ITPKB: variants seen among roughly 807,000 people sequenced by gnomAD.
ITPKB encodes IP3 3-kinase B.
Under a neutral mutation model 69.4 loss-of-function variants are expected in ITPKB, and 13 were observed. The observed-to-expected ratio is 0.19, with a 90% CI of 0.12 to 0.30. The LOEUF (loss-of-function observed/expected upper bound fraction) is 0.30, where lower values mean the gene tolerates loss of function less well. ITPKB is among the 10% of genes least tolerant of loss of function. The pLI, the probability that ITPKB is intolerant of heterozygous loss-of-function variation, is 1.00. For missense variants in ITPKB, 1,240 were observed against 1,250.5 expected, an observed-to-expected ratio of 0.99 and a Z score of 0.13; for synonymous variants, 584 against 513.7, an observed-to-expected ratio of 1.14 and a Z score of -1.85.
chr1:226,667,979 G>A (rs1669538017), intron 2 of ITPKB, among the ~76,000 whole-genome samples: 1 of 152,120 alleles, frequency 6.6e-6, no homozygotes. Flanking sequence ...CAACAGCTTG[G>A]CTCAGCTCAG....
At chr1:226,680,019 C>G (rs1003592738) in intron 2 of ITPKB, among the ~76,000 whole-genome samples, 1 of 152,210 alleles carries the variant, frequency 6.6e-6, no homozygotes, top group African/African-American at 2.4e-5. Context: ...CACTTTGGCC[C>G]AGCGTCTGCG....
chr1:226,704,351 A>G (rs909094359), intron 2 of ITPKB, among the ~76,000 whole-genome samples: 3 of 152,226 alleles, frequency 2.0e-5, no homozygotes, highest in African/African-American at 7.2e-5. Context: ...ATCTTTAAAA[A>G]CATTAATATA....
chr1:226,685,849 G>C (rs565931377), intron 2 of ITPKB, among the ~76,000 whole-genome samples: 58 of 152,354 alleles, frequency 3.8e-4, no homozygotes, highest in African/African-American at 1.3e-3. Flanking sequence ...CTGGAGCTGG[G>C]GAAATGAAGC....
At chr1:226,701,306 C>T (rs966728076) in intron 2 of ITPKB, among the ~76,000 whole-genome samples, 5 of 152,184 alleles carry the variant, frequency 3.3e-5, no homozygotes, top group African/African-American at 1.2e-4. Flanking sequence ...AACAGTCCTA[C>T]TTAAAAACTT....
chr1:226,696,252 G>C (rs895530395), intron 2 of ITPKB, among the ~76,000 whole-genome samples: 9 of 152,082 alleles, frequency 5.9e-5, no homozygotes, highest in African/African-American at 2.2e-4. Context: ...CATAGTTTTG[G>C]TATGGGATTA....
At chr1:226,665,432 A>G (rs1485392102) in intron 2 of ITPKB, among the ~76,000 whole-genome samples, 2 of 152,242 alleles carry the variant, frequency 1.3e-5, no homozygotes, top group Non-Finnish European at 2.9e-5. Context: ...GCAAGGCCTC[A>G]TCCCCAAAAC....
chr1:226,693,578 A>G (rs1656408476), intron 2 of ITPKB, among the ~76,000 whole-genome samples: 1 of 152,234 alleles, frequency 6.6e-6, no homozygotes, highest in Non-Finnish European at 1.5e-5. Context: ...AACAGTACTT[A>G]CCATTGCTTT....
At chr1:226,675,690 G>A (rs1669717338) in intron 2 of ITPKB, among the ~76,000 whole-genome samples, 1 of 152,158 alleles carries the variant, frequency 6.6e-6, no homozygotes, top group Non-Finnish European at 1.5e-5. Flanking sequence ...CAGGGATATT[G>A]TTTACTGCTC....
In ITPKB at chr1:226,736,376, G is replaced by T. The variant is rs1040067532; in HGVS notation, c.1083C>A (p.Gly361=). The change falls in exon 2 of 8, where the codon GGC becomes GGA. Residue 361 remains glycine (G), a synonymous_variant. Transcript: ENST00000429204. The part of the protein sequence containing the change: ...GSETSPAPER[G]GPRDGEPPGK... ...CAGGGGGTTCTCCATCGCGGGGCCC[G>T]CCCCTTTCTGGGGCTGGGCTTGTCT... is the stretch of plus-strand genomic sequence containing the variant. The T allele has an allele frequency of 6.2e-7, 1 of 1,612,228 alleles. No individual in the cohort carries two copies. The highest frequency in any genetic ancestry group is 8.5e-7 in the Non-Finnish European group (1 of 1,179,860).
rs772456545 is a variant in ITPKB at position 226,737,288 on chromosome 1, G to T, written c.171C>A (p.Leu57=). The change falls in exon 2 of 8, where the codon CTC becomes CTA. Residue 57 remains leucine (L), a synonymous_variant. Coordinates refer to ENST00000429204, the MANE Select transcript of ITPKB (RefSeq NM_002221.4). ...VFSPGRGASF[L]FPPAESLSPE... ...GGGACAGCGACTCGGCTGGGGGGAA[G>T]AGGAAAGAGGCGCCTCTCCCGGGGC... The T allele has an allele frequency of 6.4e-6, 10 of 1,560,736 alleles. No homozygotes were observed. Among genetic ancestry groups the T allele is most frequent in the Admixed American group, 3.8e-5 (2 of 53,118 alleles).
chr1:226,642,873 T>G lies in ITPKB; in HGVS notation c.2247-748A>C, dbSNP rs1024509726. On this transcript the variant is annotated intron_variant, in intron 4 of 7. Coordinates refer to ENST00000429204, the MANE Select transcript of ITPKB (RefSeq NM_002221.4). This position sits in a 1 kb window ranked among gnomAD's most constrained non-coding sequence, Gnocchi z 6.4. ...GCCTGCCCATAAGTGTCTCTGGCTCTTTCCAAAGAGGTGAAATCTTCTGGA... is the reference window on the plus strand; with the variant it reads ...GCCTGCCCATAAGTGTCTCTGGCTCGTTCCAAAGAGGTGAAATCTTCTGGA... 1.3e-5 allele frequency among the ~76,000 whole-genome samples: 2 copies of G among 152,178 alleles called. No homozygotes were observed. The highest frequency in any genetic ancestry group is 2.1e-4 in the South Asian group (1 of 4,822).
chr1:226,634,803 G>C lies in ITPKB; in HGVS notation c.2709C>G (p.Pro903=). ...GCTGCAGGGTCTGGCCCTCAGGCAG[G>C]GGCGTGGTTTTCCCAAAGTCGATCA... ...VWMIDFGKTT[P]LPEGQTLQHD... is the part of the protein sequence containing the mutation. The change falls in exon 8 of 8, where the codon CCC becomes CCG. Residue 903 remains proline (P), a synonymous_variant. Coordinates refer to ENST00000429204, the MANE Select transcript of ITPKB (RefSeq NM_002221.4). This position sits in a 1 kb window ranked among gnomAD's most constrained non-coding sequence, Gnocchi z 6.3. 6.2e-7 allele frequency: 1 copy of C among 1,608,480 alleles called. No individual in the cohort carries two copies. Among genetic ancestry groups the C allele is most frequent in the Admixed American group, 1.7e-5 (1 of 60,014 alleles).
intron 2 of ITPKB, among the ~76,000 whole-genome samples, chr1:226,708,987 G>A (rs1656877782): frequency 6.6e-6 from 1 of 152,156 alleles, no homozygotes; most frequent in Admixed American, 6.5e-5. Context: ...TGGTGAACAC[G>A]AGTTACACCA....
chr1:226,715,189 A>G (rs1657065460), intron 2 of ITPKB, among the ~76,000 whole-genome samples: 1 of 152,224 alleles, frequency 6.6e-6, no homozygotes, highest in Non-Finnish European at 1.5e-5. Context: ...GAATCCCTAG[A>G]AGGTAGGAAC....
chr1:226,652,536 G>A (rs528119496), intron 2 of ITPKB, among the ~76,000 whole-genome samples: 16 of 152,218 alleles, frequency 1.1e-4, no homozygotes, highest in Non-Finnish European at 1.9e-4. Flanking sequence ...ATTCAAGAGT[G>A]AGCTCTCCAC....
intron 2 of ITPKB, among the ~76,000 whole-genome samples, chr1:226,695,310 A>G (rs550708793): frequency 6.6e-5 from 10 of 152,360 alleles, no homozygotes; most frequent in Admixed American, 6.5e-4. Context: ...ATCAAGAGTC[A>G]AAATTATCTT....
intron 2 of ITPKB, among the ~76,000 whole-genome samples, chr1:226,722,972 A>C (rs2102644891): frequency 6.6e-6 from 1 of 151,446 alleles, no homozygotes; most frequent in East Asian, 2.0e-4. Flanking sequence ...GAAAGGAAGG[A>C]GAGAGTTCCA....
At chr1:226,639,882 C>T (rs1668920801) in intron 5 of ITPKB, among the ~76,000 whole-genome samples, 1 of 152,224 alleles carries the variant, frequency 6.6e-6, no homozygotes, top group African/African-American at 2.4e-5. Context: ...GTGGCGCTGA[C>T]ATCCCCAGGC....
intron 2 of ITPKB, among the ~76,000 whole-genome samples, chr1:226,650,793 A>G (rs895682483): frequency 6.6e-6 from 1 of 152,170 alleles, no homozygotes; most frequent in Non-Finnish European, 1.5e-5. Flanking sequence ...TCAGGGGAGA[A>G]CACACATTGC....
Sources: gnomAD v4.1 joint callset for allele counts (sites outside exome capture counted in the v4.1 genomes callset) on GRCh38, gnomAD v4.1.1 for gene constraint, Gnocchi (gnomAD v3.1) non-coding constraint, MANE v1.5 for transcripts, NCBI Gene and HGNC (gene_info 2026-07-23, HGNC 2026-07-21) for gene names.